TAB2: variants seen among roughly 807,000 people sequenced by gnomAD.
TAB2 encodes TGF-beta-activated kinase 1 and MAP3K7-binding protein 2.
In TAB2, 3 loss-of-function variants were observed where a neutral mutation model predicts 65.0. The ratio of observed to expected loss-of-function variants is 0.05; its 90% confidence interval spans 0.02 to 0.12. TAB2 has a LOEUF of 0.12. TAB2 is among the 10% of genes least tolerant of loss of function. TAB2 has a pLI of 1.00. For missense variants in TAB2, 623 were observed against 840.3 expected (o/e 0.74, Z 3.20); for synonymous variants, 298 against 285.1 (o/e 1.05, Z -0.46).
chr6:149,229,031 A>G (rs1218280677), intron 1 of TAB2, among the ~76,000 whole-genome samples: 6 of 152,244 alleles, frequency 3.9e-5, no homozygotes, highest in African/African-American at 1.4e-4. Flanking sequence ...CATTGGAAAG[A>G]TGGCAGCAAA....
rs1583170355 is a variant in TAB2, at chr6:149,410,802, C to G, written c.*1083C>G. On this transcript the variant is annotated 3_prime_UTR_variant, in exon 7 of 7. Coordinates refer to ENST00000637181, the MANE Select transcript of TAB2 (RefSeq NM_001292034.3). ...GAACAACAAGGTTAAGCTTCATCTGCTTGGTGTCCCACAGAACTTGCACAA... is the reference window on the plus strand; with the variant it reads ...GAACAACAAGGTTAAGCTTCATCTGGTTGGTGTCCCACAGAACTTGCACAA... The G allele has an allele frequency of 1.3e-5, 2 of 152,558 alleles. No individual in the cohort carries two copies. The highest frequency in any genetic ancestry group is 1.3e-4 in the Admixed American group (2 of 15,308). The allele number at this position is 152,558 out of a possible 1,614,324, so 9.5% of individuals were successfully genotyped here.
rs772221255 is a variant in TAB2, at chr6:149,378,508, A to G, written c.593A>G (p.His198Arg). ...GRNTPTSLHI[H>R]GVPPPVLNSP... ...AATACTCCTACATCTTTGCACATAC[A>G]TGGTGTACCTCCACCTGTACTTAAC... Residue 198 changes from histidine to arginine, a missense_variant, in exon 3 of 7, where the codon CAT becomes CGT. His to Arg is a conservative substitution (Grantham distance 29, BLOSUM62 0). This residue lies in a region of TAB2 where 550 missense variants were observed against 665.7 expected (regional missense o/e 0.83). Transcript: ENST00000637181. The G allele has an allele frequency of 8.1e-6, 13 of 1,614,066 alleles. No individual in the cohort carries two copies. Among genetic ancestry groups the G allele is most frequent in the South Asian group, 1.1e-5 (1 of 91,090 alleles).
intron 1 of TAB2, among the ~76,000 whole-genome samples, chr6:149,333,626 G>A (rs115664738): frequency 2.7e-4 from 41 of 151,870 alleles, no homozygotes; most frequent in African/African-American, 9.7e-4. Context: ...AATACCCTTA[G>A]CCCTTACTAT....
At chr6:149,399,794 C>T (rs1018050825) in intron 6 of TAB2, among the ~76,000 whole-genome samples, 1 of 151,930 alleles carries the variant, frequency 6.6e-6, no homozygotes, top group Admixed American at 6.6e-5. Flanking sequence ...AACACTTAAC[C>T]GTGGTATATA....
At chr6:149,278,877 G>A (rs980939723) in intron 1 of TAB2, among the ~76,000 whole-genome samples, 6 of 152,012 alleles carry the variant, frequency 3.9e-5, no homozygotes, top group South Asian at 4.1e-4. Context: ...CCAGGAGTCC[G>A]AGACCTGTCT....
At chr6:149,341,764 G>A (rs1278910705) in intron 1 of TAB2, among the ~76,000 whole-genome samples, 3 of 152,028 alleles carry the variant, frequency 2.0e-5, no homozygotes, top group African/African-American at 4.8e-5. Context: ...TTCAGTTTTT[G>A]GATCTTCGTC....
chr6:149,313,501 T>C (rs1779199815), upstream of TAB2, among the ~76,000 whole-genome samples: 1 of 152,206 alleles, frequency 6.6e-6, no homozygotes, highest in African/African-American at 2.4e-5. Flanking sequence ...TGGCTTTATT[T>C]ATTCTCTTTC....
chr6:149,394,108 T>G (rs767060141), intron 3 of TAB2, among the ~76,000 whole-genome samples: 2 of 145,022 alleles, frequency 1.4e-5, no homozygotes, highest in East Asian at 1.9e-4. Context: ...AACTCTTAAG[T>G]TTTTTTTGTT....
intron 6 of TAB2, among the ~76,000 whole-genome samples, chr6:149,403,283 T>TATAC (rs1554265413): frequency 2.8e-4 from 7 of 24,576 alleles, no homozygotes; most frequent in Admixed American, 4.6e-4. Context: ...TATATATATA[T>TATAC]ACACACACAC....
intron 1 of TAB2, among the ~76,000 whole-genome samples, chr6:149,305,409 G>C (rs144563263): frequency 2.0e-5 from 3 of 152,042 alleles, no homozygotes; most frequent in Admixed American, 2.0e-4. Flanking sequence ...CTTTGAATAC[G>C]TTTCCTTTTT....
Position 149,340,049 on chromosome 6 carries a change from C to G in TAB2, c.-90+22034C>G, listed in dbSNP as rs145383887. Reference sequence around the variant, plus strand: ...ATTATTTGAACTTTATGTTTTTCTTCTATTAAATAAGGGTGTTGGACTAGA... The same window carrying G: ...ATTATTTGAACTTTATGTTTTTCTTGTATTAAATAAGGGTGTTGGACTAGA... On this transcript the variant is annotated intron_variant, in intron 1 of 6. Transcript: ENST00000637181. Among the ~76,000 whole-genome samples the G allele has an allele frequency of 7.2e-5, 11 of 152,112 alleles. No individual in the cohort carries two copies. In the East Asian group the frequency reaches 2.1e-3, roughly 29 times the overall value.
chr6:149,397,826 AGT>A, intron 4 of TAB2, 62 bp downstream of exon 4: 1 of 1,597,220 alleles, frequency 6.3e-7, no homozygotes, highest in Middle Eastern at 2.2e-4. Context: ...ATCTAACATA[AGT>A]GTAATATCTC....
intron 3 of TAB2, among the ~76,000 whole-genome samples, chr6:149,383,755 G>A (rs1040191913): frequency 2.6e-5 from 4 of 152,248 alleles, no homozygotes; most frequent in Non-Finnish European, 5.9e-5. Context: ...GCTAGTTTTT[G>A]TATTTTTAAG....
intron 1 of TAB2, among the ~76,000 whole-genome samples, chr6:149,331,449 T>G (rs1256501819): frequency 6.6e-6 from 1 of 152,132 alleles, no homozygotes; most frequent in Non-Finnish European, 1.5e-5. Flanking sequence ...TTTAGGAGGT[T>G]TATTTTGTAG....
chr6:149,347,328 G>A (rs1301757602), intron 1 of TAB2: 5 of 152,152 alleles, frequency 3.3e-5, no homozygotes, highest in African/African-American at 7.2e-5. Flanking sequence ...GACAAAATGG[G>A]AAATTTTCTC....
chr6:149,392,932 T>TG (rs1452742904), intron 3 of TAB2, among the ~76,000 whole-genome samples: 1 of 151,822 alleles, frequency 6.6e-6, no homozygotes, highest in Non-Finnish European at 1.5e-5. Context: ...AGGTTAAACT[T>TG]GCAGACAAAA....
At chr6:149,318,980 C>G (rs1444275699) in intron 1 of TAB2, among the ~76,000 whole-genome samples, 1 of 152,146 alleles carries the variant, frequency 6.6e-6, no homozygotes, top group South Asian at 2.1e-4. Context: ...ATTTAGGCCC[C>G]CAGTGCAGGC....
chr6:149,400,357 G>A (rs962679302), intron 6 of TAB2: 1 of 1,604,402 alleles, frequency 6.2e-7, no homozygotes, highest in South Asian at 1.1e-5. Context: ...CACCTCTTTT[G>A]TGAAGCAGCA....
At chr6:149,238,544 C>G (rs1583038574) in intron 1 of TAB2, among the ~76,000 whole-genome samples, 1 of 152,178 alleles carries the variant, frequency 6.6e-6, no homozygotes, top group East Asian at 1.9e-4. Flanking sequence ...ATTGGCCAGA[C>G]AAACACCCAT....
Sources: gnomAD v4.1 joint callset for allele counts (sites outside exome capture counted in the v4.1 genomes callset) on GRCh38, gnomAD v4.1.1 for gene constraint, gnomAD v4.1.1 regional missense constraint, MANE v1.5 for transcripts, NCBI Gene and HGNC (gene_info 2026-07-23, HGNC 2026-07-21) for gene names.